Variants in SYNPR observed in about 807,000 individuals in gnomAD.
SYNPR encodes the protein synaptoporin.
A neutral mutation model predicts 32.9 loss-of-function variants in SYNPR; 23 were observed. That is an observed-to-expected ratio of 0.70 (90% CI 0.50 to 0.99). SYNPR has a LOEUF of 0.99. Ranked by LOEUF, SYNPR falls within the 50% of genes least tolerant of loss-of-function variation. The probability of loss-of-function intolerance (pLI) is 0.00; values close to 1 mark genes in which losing one functional copy is unlikely to be tolerated. For missense variants in SYNPR, 318 were observed against 349.3 expected, an observed-to-expected ratio of 0.91 and a Z score of 0.71; for synonymous variants, 146 against 135.9, an observed-to-expected ratio of 1.07 and a Z score of -0.52.
At chr3:63,303,772 T>C (rs577294177) in intron 2 of SYNPR, among the ~76,000 whole-genome samples, 121 of 152,188 alleles carry the variant, frequency 8.0e-4, no homozygotes, top group African/African-American at 2.7e-3. Flanking sequence ...AAAAATTTAT[T>C]ATCACTTCAT....
chr3:63,383,180 C>T (rs922382718), intron 2 of SYNPR, among the ~76,000 whole-genome samples: 1 of 152,084 alleles, frequency 6.6e-6, no homozygotes, highest in Non-Finnish European at 1.5e-5. Context: ...TTTTTGTATT[C>T]AGTTTTATTT....
At position 63,294,763 on chromosome 3, in the gene SYNPR, G is replaced by T. The variant is rs745491839; in HGVS notation, c.84+16021G>T. 4.6e-5 allele frequency among the ~76,000 whole-genome samples: 7 copies of T among 151,934 alleles called. No homozygotes were observed. The East Asian group carries it at 5.8e-4, about 13-fold the overall frequency. On this transcript the variant is annotated intron_variant, in intron 2 of 5. Transcript: ENST00000478300. ...GCTATAACATAAGTTTGCCATTTGCGTGTCTTATTTATATTATTTATTAAT... is the reference window on the plus strand; with the variant it reads ...GCTATAACATAAGTTTGCCATTTGCTTGTCTTATTTATATTATTTATTAAT...
chr3:63,318,011 G>A (rs2087061275), intron 2 of SYNPR, among the ~76,000 whole-genome samples: 1 of 151,898 alleles, frequency 6.6e-6, no homozygotes, highest in Non-Finnish European at 1.5e-5. Flanking sequence ...CTTCATATAT[G>A]ATGCTTAGTT....
intron 4 of SYNPR, among the ~76,000 whole-genome samples, chr3:63,589,342 T>C (rs1458617909): frequency 2.6e-5 from 4 of 152,124 alleles, no homozygotes; most frequent in Admixed American, 6.6e-5. Flanking sequence ...ATGCATTCTT[T>C]TGTGATTGAT....
intron 3 of SYNPR, among the ~76,000 whole-genome samples, chr3:63,524,957 A>C (rs2887099): frequency 0.39 from 58,231 of 151,222 alleles, 11,467 homozygotes; most frequent in African/African-American, 0.47. Context: ...AGGTAACTTT[A>C]GGGTCTTTGA....
intron 2 of SYNPR, among the ~76,000 whole-genome samples, chr3:63,474,142 A>C (rs1700856831): frequency 6.6e-6 from 1 of 152,140 alleles, no homozygotes; most frequent in Non-Finnish European, 1.5e-5. Context: ...GCACCCTCTG[A>C]ACACACCTCA....
At chr3:63,569,713 TC>T (rs1702853425) in intron 4 of SYNPR, among the ~76,000 whole-genome samples, 1 of 152,260 alleles carries the variant, frequency 6.6e-6, no homozygotes, top group African/African-American at 2.4e-5. Flanking sequence ...TTTGGCAGTA[TC>T]CTTTCTCATT....
At chr3:63,250,914 CT>C (rs1008395971) in intron 1 of SYNPR, among the ~76,000 whole-genome samples, 8 of 151,662 alleles carry the variant, frequency 5.3e-5, no homozygotes, top group South Asian at 2.1e-4. Context: ...TGGCTGTTTT[CT>C]TTTTTTTAGC....
At chr3:63,464,452 G>C (rs181830158) in intron 2 of SYNPR, among the ~76,000 whole-genome samples, 1 of 152,126 alleles carries the variant, frequency 6.6e-6, no homozygotes, top group Non-Finnish European at 1.5e-5. Context: ...CACCTCTTCC[G>C]AAGGTATTCC....
intron 2 of SYNPR, among the ~76,000 whole-genome samples, chr3:63,311,850 C>T (rs1575594274): frequency 6.6e-6 from 1 of 151,562 alleles, no homozygotes; most frequent in Non-Finnish European, 1.5e-5. Flanking sequence ...AATTTAATAC[C>T]CTATTGAACT....
Position 63,297,739 on chromosome 3 carries a change from G to A in SYNPR, c.84+18997G>A, listed in dbSNP as rs180886633. 5.7e-3 allele frequency among the ~76,000 whole-genome samples: 866 copies of A among 152,212 alleles called. 11 individuals are homozygous for A. The highest frequency in any genetic ancestry group is 0.019 in the African/African-American group (774 of 41,530). ...TTTTATGAATAATTTGGTGGGCAGG[G>A]GGCTAGGGAATGGGTGCTGCTGATT... is the stretch of plus-strand genomic sequence containing the variant. On this transcript the variant is annotated intron_variant, in intron 2 of 5. Coordinates refer to ENST00000478300, the MANE Select transcript of SYNPR (RefSeq NM_001130003.2).
intron 4 of SYNPR, among the ~76,000 whole-genome samples, chr3:63,563,222 T>C (rs886458639): frequency 6.6e-6 from 1 of 152,168 alleles, no homozygotes; most frequent in Admixed American, 6.5e-5. Context: ...ACTTGTAAGA[T>C]CACAATTGCT....
intron 3 of SYNPR, among the ~76,000 whole-genome samples, chr3:63,488,873 G>C (rs1156247586): frequency 6.6e-6 from 1 of 152,058 alleles, no homozygotes; most frequent in East Asian, 1.9e-4. Context: ...GCATGAAAAG[G>C]GTTAAATGAA....
chr3:63,264,973 C>T (rs1264027293), intron 2 of SYNPR, among the ~76,000 whole-genome samples: 1 of 151,906 alleles, frequency 6.6e-6, no homozygotes, highest in Non-Finnish European at 1.5e-5. Context: ...GCCCTTGACA[C>T]GTGGGGATTA....
chr3:63,485,880 G>C (rs1251223662), intron 3 of SYNPR, among the ~76,000 whole-genome samples: 2 of 152,184 alleles, frequency 1.3e-5, no homozygotes, highest in East Asian at 3.8e-4. Flanking sequence ...TAGTTGCTAT[G>C]TCACTTCCAT....
chr3:63,334,782 T>C (rs1369108719), intron 2 of SYNPR, among the ~76,000 whole-genome samples: 1 of 152,118 alleles, frequency 6.6e-6, no homozygotes, highest in East Asian at 1.9e-4. Flanking sequence ...TTGTAGCTAC[T>C]AAAATTATTA....
the SYNPR span, among the ~76,000 whole-genome samples, chr3:63,211,713 T>TC: frequency 6.6e-6 from 1 of 151,406 alleles, no homozygotes; most frequent in African/African-American, 2.4e-5. Context: ...TCTTTCTTTT[T>TC]TTTTTTTTAT....
chr3:63,577,793 T>C (rs1703011349), intron 4 of SYNPR, among the ~76,000 whole-genome samples: 1 of 152,154 alleles, frequency 6.6e-6, no homozygotes, highest in Non-Finnish European at 1.5e-5. Flanking sequence ...AAGTACGTGT[T>C]TCCAAGGCAT....
At chr3:63,345,129 C>A (rs778813933) in intron 2 of SYNPR, among the ~76,000 whole-genome samples, 1 of 152,200 alleles carries the variant, frequency 6.6e-6, no homozygotes, top group Non-Finnish European at 1.5e-5. Flanking sequence ...GACTTGTTAT[C>A]ATTTAACTAT....
Sources: gnomAD v4.1 joint callset for allele counts (sites outside exome capture counted in the v4.1 genomes callset) on GRCh38, gnomAD v4.1.1 for gene constraint, MANE v1.5 for transcripts, NCBI Gene and HGNC (gene_info 2026-07-23, HGNC 2026-07-21) for gene names.